Variants in PPP1R12B observed in about 807,000 individuals in gnomAD.
The protein encoded by PPP1R12B is myosin phosphatase target subunit 2.
PPP1R12B carries 76 observed loss-of-function variants against 126.1 expected under a neutral mutation model. That is an observed-to-expected ratio of 0.60 (90% CI 0.50 to 0.73). The LOEUF is 0.73. Among genes scored for constraint, PPP1R12B ranks in the 30% least tolerant of loss-of-function variants. The probability of loss-of-function intolerance (pLI) is 0.00; values close to 1 mark genes in which losing one functional copy is unlikely to be tolerated. For missense variants in PPP1R12B, 1,052 were observed against 1,205.1 expected (o/e 0.87, Z 1.88); for synonymous variants, 356 against 434.7 (o/e 0.82, Z 2.25).
chr1:202,448,030 A>T (rs1672491335), intron 12 of PPP1R12B, among the ~76,000 whole-genome samples: 3 of 150,058 alleles, frequency 2.0e-5, no homozygotes, highest in African/African-American at 4.9e-5. Context: ...TGTTTTTATT[A>T]TTTTTTTTCA....
intron 18 of PPP1R12B, chr1:202,527,338 A>T (rs540572577): frequency 5.3e-5 from 8 of 152,270 alleles, no homozygotes; most frequent in African/African-American, 1.9e-4. Flanking sequence ...TTAAAGCAAC[A>T]CATAGAACAA....
intron 1 of PPP1R12B, among the ~76,000 whole-genome samples, chr1:202,398,037 G>T (rs1404465438): frequency 6.6e-6 from 1 of 152,130 alleles, no homozygotes; most frequent in African/African-American, 2.4e-5. Flanking sequence ...TCAGCCTCCC[G>T]AGTAGCTGGA....
chr1:202,470,745 A>G (rs555827229), intron 13 of PPP1R12B, among the ~76,000 whole-genome samples: 7 of 151,794 alleles, frequency 4.6e-5, no homozygotes, highest in Admixed American at 2.0e-4. Flanking sequence ...AATTATAAAG[A>G]AAAAAAAATT....
At chr1:202,391,183 A>C (rs1664098361) in intron 1 of PPP1R12B, among the ~76,000 whole-genome samples, 1 of 152,184 alleles carries the variant, frequency 6.6e-6, no homozygotes, top group East Asian at 1.9e-4. Flanking sequence ...ATAACTTAAT[A>C]ATAAGAAAAA....
chr1:202,532,680 G>A (rs1246687115), intron 18 of PPP1R12B, among the ~76,000 whole-genome samples: 4 of 151,924 alleles, frequency 2.6e-5, no homozygotes, highest in Non-Finnish European at 5.9e-5. Context: ...AGAGTCCTCT[G>A]TAAAGAGAGA....
intron 9 of PPP1R12B, among the ~76,000 whole-genome samples, chr1:202,435,812 C>A (rs1238385761): frequency 2.6e-5 from 4 of 152,164 alleles, no homozygotes; most frequent in South Asian, 2.1e-4. Context: ...GAACAAAGGC[C>A]TGGCTACTTA....
intron 18 of PPP1R12B, among the ~76,000 whole-genome samples, chr1:202,509,272 T>G (rs548039787): frequency 6.0e-4 from 92 of 152,366 alleles, no homozygotes; most frequent in African/African-American, 2.1e-3. Context: ...AAATGTTGTT[T>G]GGGGCAGCAT....
chr1:202,568,606 C>T (rs1400529974), intron 22 of PPP1R12B, among the ~76,000 whole-genome samples: 1 of 152,120 alleles, frequency 6.6e-6, no homozygotes, highest in Non-Finnish European at 1.5e-5. Flanking sequence ...AACCAAGAGT[C>T]AGTTGCTGGG....
chr1:202,500,831 T>A (rs1434289610), intron 18 of PPP1R12B, among the ~76,000 whole-genome samples: 1 of 152,234 alleles, frequency 6.6e-6, no homozygotes, highest in Non-Finnish European at 1.5e-5. Flanking sequence ...TCATACCACA[T>A]AAATACGTAC....
At chr1:202,434,336 A>G (rs984953437) in intron 8 of PPP1R12B, among the ~76,000 whole-genome samples, 1 of 152,224 alleles carries the variant, frequency 6.6e-6, no homozygotes, top group African/African-American at 2.4e-5. Context: ...AGTGAAAGGT[A>G]AAACTGTAGA....
chr1:202,411,298 C>T (rs1298922866), intron 1 of PPP1R12B, among the ~76,000 whole-genome samples: 1 of 138,534 alleles, frequency 7.2e-6, no homozygotes, highest in Non-Finnish European at 1.6e-5. Flanking sequence ...AGCAAGAAAA[C>T]AGTCACTCCA....
intron 1 of PPP1R12B, among the ~76,000 whole-genome samples, chr1:202,358,700 T>G (rs538874747): frequency 6.7e-6 from 1 of 149,492 alleles, no homozygotes; most frequent in East Asian, 2.0e-4. Context: ...AAAAAAAAAC[T>G]GAAACTTGAG....
intron 13 of PPP1R12B, among the ~76,000 whole-genome samples, chr1:202,480,874 G>C (rs1451108851): frequency 6.6e-6 from 1 of 152,138 alleles, no homozygotes; most frequent in Non-Finnish European, 1.5e-5. Flanking sequence ...CAATGTAACA[G>C]AATATGAAAA....
intron 18 of PPP1R12B, among the ~76,000 whole-genome samples, chr1:202,506,557 C>T (rs1185768619): frequency 2.6e-5 from 4 of 152,186 alleles, no homozygotes; most frequent in Admixed American, 2.0e-4. Context: ...GGACTTCTCT[C>T]ATGCATCTCA....
rs576603020 is a variant in PPP1R12B at position 202,445,098 on chromosome 1, C to T, written c.1667+2526C>T. ...CACAAGTCCCTACATTTCAGCCAAT[C>T]GCAATTCATCTCCTGCTACCTCACC... On this transcript the variant is annotated intron_variant, in intron 12 of 23. Coordinates refer to ENST00000608999, the MANE Select transcript of PPP1R12B (RefSeq NM_002481.4). 245 of 1,247,238 alleles carry T rather than the reference C, an allele frequency of 2.0e-4. No individual in the cohort carries two copies. The African/African-American group carries it at 2.6e-3, about 13-fold the overall frequency. The allele number at this position is 1,247,238 out of a possible 1,614,324, so 77.3% of individuals were successfully genotyped here.
chr1:202,498,138 C>T (rs1679794288), intron 18 of PPP1R12B, among the ~76,000 whole-genome samples: 1 of 152,104 alleles, frequency 6.6e-6, no homozygotes, highest in Non-Finnish European at 1.5e-5. Flanking sequence ...CTAGAGGGTA[C>T]CAAGTAAGGA....
chr1:202,462,691 T>G (rs1229847485), intron 13 of PPP1R12B: 7 of 901,424 alleles, frequency 7.8e-6, no homozygotes, highest in African/African-American at 1.8e-5. Flanking sequence ...CAGCCCTCAT[T>G]CAACCCTCCC....
intron 18 of PPP1R12B, among the ~76,000 whole-genome samples, chr1:202,501,457 T>C (rs1482761864): frequency 6.6e-6 from 1 of 152,214 alleles, no homozygotes; most frequent in East Asian, 1.9e-4. Flanking sequence ...AATCCTGTTG[T>C]ATAATTGAAT....
chr1:202,567,517 T>A (rs1688170276), intron 21 of PPP1R12B: 1 of 469,472 alleles, frequency 2.1e-6, no homozygotes, highest in African/African-American at 2.0e-5. Flanking sequence ...GATTGTGTGT[T>A]GTAAGTAATT....
Sources: allele counts gnomAD v4.1 joint callset (sites outside exome capture counted in the v4.1 genomes callset), GRCh38; gene constraint gnomAD v4.1.1; transcripts MANE v1.5; gene names NCBI Gene and HGNC (gene_info 2026-07-23, HGNC 2026-07-21).